ABCC5: variants seen among roughly 807,000 people sequenced by gnomAD.
The protein encoded by ABCC5 is ATP-binding cassette sub-family C member 5.
Under a neutral mutation model 160.9 loss-of-function variants are expected in ABCC5, and 61 were observed. That is an observed-to-expected ratio of 0.38 (90% confidence interval 0.31 to 0.47). ABCC5 has a LOEUF of 0.47. Among genes scored for constraint, ABCC5 ranks in the 20% least tolerant of loss-of-function variants. ABCC5 has a pLI of 0.99. For synonymous variants in ABCC5, 666 were observed against 700.6 expected (o/e 0.95, Z 0.78); for missense variants, 1,308 against 1,813.3 (o/e 0.72, Z 5.06).
intron 29 of ABCC5, among the ~76,000 whole-genome samples, 189 bp downstream of exon 29, chr3:183,925,366 C>G (rs1028054548): frequency 6.6e-6 from 1 of 152,202 alleles, no homozygotes. Context: ...AAAATGAGAA[C>G]CCCATCAGAG....
chr3:183,955,070 T>C (rs1344523084), intron 17 of ABCC5, among the ~76,000 whole-genome samples: 1 of 152,096 alleles, frequency 6.6e-6, no homozygotes, highest in Non-Finnish European at 1.5e-5. Flanking sequence ...CCAAGGTTCT[T>C]GTCATGTAGA....
At chr3:183,947,701 G>A (rs1714977141) in intron 22 of ABCC5, among the ~76,000 whole-genome samples, 191 bp from the exon 23 acceptor site, 1 of 151,950 alleles carries the variant, frequency 6.6e-6, no homozygotes, top group African/African-American at 2.4e-5. Context: ...ATGCATAGGA[G>A]GACATTAAGT....
Position 183,959,170 on chromosome 3 carries a change from C to G in ABCC5, c.2482+563G>C, listed in dbSNP as rs2108813931. On this transcript the variant is annotated intron_variant, in intron 17 of 29. Transcript: ENST00000334444. ...ATTGCAAATATCTTCCCTTAACTCT[C>G]AAGATTTGTTACTGTTGATAACATA... is the stretch of plus-strand genomic sequence containing the variant. Among the ~76,000 whole-genome samples the G allele has an allele frequency of 2.0e-5, 3 of 152,154 alleles. No homozygotes were observed. The Middle Eastern group carries it at 0.01, about 518-fold the overall frequency.
In ABCC5 at chr3:183,951,066, T is replaced by C. The variant is rs1030215033; in HGVS notation, c.2944+375A>G. Among the ~76,000 whole-genome samples the C allele has an allele frequency of 1.3e-5, 2 of 152,186 alleles. No homozygotes were observed. Among genetic ancestry groups the C allele is most frequent in the Non-Finnish European group, 2.9e-5 (2 of 68,022 alleles). The stretch of plus-strand genomic sequence containing the variant: ...TGCTACACAGGAAGCCCCCTGTCAA[T>C]GTCAGGGGCTTTACTGTTACTCTGA... On this transcript the variant is annotated intron_variant, in intron 20 of 29. Transcript: ENST00000334444. The surrounding 1 kb of genome is among the most constrained non-coding windows in gnomAD (Gnocchi z 4.7).
chr3:183,984,405 C>A (rs999001334), intron 5 of ABCC5: 18 of 993,852 alleles, frequency 1.8e-5, no homozygotes, highest in Non-Finnish European at 2.2e-5. Context: ...GCAAAGGTGA[C>A]TGCAGCTGTA....
chr3:184,003,505 C>CT (rs1720922005), intron 2 of ABCC5, among the ~76,000 whole-genome samples: 1 of 152,164 alleles, frequency 6.6e-6, no homozygotes, highest in Non-Finnish European at 1.5e-5. Context: ...GGGGAAGAAG[C>CT]AGAATACAAA....
Position 183,925,651 on chromosome 3 carries a change from G to A in ABCC5, c.4116C>T (p.Ile1372=), listed in dbSNP as rs192562060. 2,116 of 1,614,096 alleles carry A rather than the reference G, an allele frequency of 1.3e-3. 3 individuals carry two copies. Among genetic ancestry groups the A allele is most frequent in the Admixed American group, 3.2e-3 (195 of 60,018 alleles). The change falls in exon 29 of 30, where the codon ATC becomes ATT. Residue 1372 remains isoleucine (I), a synonymous_variant. Transcript: ENST00000334444. ...TETDLLIQET[I]REAFADCTML... ...TGGTACAGTCTGCAAATGCTTCTCG[G>A]ATGGTCTCTTGAATCAATAAGTCTG...
At chr3:183,959,252 C>A (rs1343836470) in intron 17 of ABCC5, among the ~76,000 whole-genome samples, 2 of 152,140 alleles carry the variant, frequency 1.3e-5, no homozygotes, top group East Asian at 1.9e-4. Context: ...GTAGGAAAAA[C>A]CCCTCTCTGT....
chr3:183,944,202 C>T (rs190795170), intron 24 of ABCC5, among the ~76,000 whole-genome samples: 17 of 152,048 alleles, frequency 1.1e-4, no homozygotes, highest in East Asian at 9.7e-4. Context: ...TGAGACCAGC[C>T]GGGACAACAT....
At chr3:183,985,317 G>A (rs1243827791) in intron 5 of ABCC5, 2 of 1,613,814 alleles carry the variant, frequency 1.2e-6, no homozygotes, top group East Asian at 2.2e-5. Flanking sequence ...AACTCTTGGC[G>A]AGAGATTCTG....
At chr3:183,936,278 C>T (rs1010747392) in intron 26 of ABCC5, among the ~76,000 whole-genome samples, 1 of 152,104 alleles carries the variant, frequency 6.6e-6, no homozygotes, top group Non-Finnish European at 1.5e-5. Context: ...CCTTCCCAGC[C>T]TCCAGAACTG....
At chr3:183,977,896 G>A (rs1230097484) in intron 9 of ABCC5, among the ~76,000 whole-genome samples, 1 of 152,088 alleles carries the variant, frequency 6.6e-6, no homozygotes, top group African/African-American at 2.4e-5. Context: ...GGGATTACAG[G>A]CATGCACCAC....
chr3:183,986,486 G>A lies in ABCC5; in HGVS notation c.591+1284C>T, dbSNP rs185983894. The A allele has an allele frequency of 2.0e-5, 3 of 152,236 alleles. No individual in the cohort carries two copies. The East Asian group carries it at 5.8e-4, about 29-fold the overall frequency. The allele number at this position is 152,236 out of a possible 1,614,324, so 9.4% of individuals were successfully genotyped here. On this transcript the variant is annotated intron_variant, in intron 5 of 29. Coordinates refer to ENST00000334444, the MANE Select transcript of ABCC5 (RefSeq NM_005688.4). ...TACGGATGTTCAGGGGAGGGACTGT[G>A]AAGCCACCAAGCTGAATACGGATAG...
chr3:184,012,014 AACACACACACACAC>A (rs3031485), intron 2 of ABCC5, among the ~76,000 whole-genome samples: 2,426 of 145,490 alleles, frequency 0.017, 46 homozygotes, highest in African/African-American at 0.058. Context: ...CATAGAACAC[AACACACACACACAC>A]ACACACACAC....
intron 29 of ABCC5, among the ~76,000 whole-genome samples, chr3:183,924,050 CTG>C (rs1553910997): frequency 7.4e-6 from 1 of 134,268 alleles, no homozygotes; most frequent in Non-Finnish European, 1.5e-5. Context: ...AGGTCTCACT[CTG>C]TCACCCAGGC....
chr3:184,001,986 A>T (rs561783082), intron 2 of ABCC5, among the ~76,000 whole-genome samples: 1 of 152,276 alleles, frequency 6.6e-6, no homozygotes, highest in South Asian at 2.1e-4. Context: ...ACGAGGAAGT[A>T]TGACTGCCAT....
intron 5 of ABCC5, chr3:183,986,821 T>G (rs1719259613): frequency 6.6e-6 from 1 of 152,168 alleles, no homozygotes; most frequent in East Asian, 1.9e-4. Flanking sequence ...TACTTAAAAC[T>G]TTTATATAAA....
At chr3:183,945,803 A>T (rs1322406587) in intron 24 of ABCC5, 47 bp downstream of exon 24, 2 of 1,534,986 alleles carry the variant, frequency 1.3e-6, no homozygotes, top group Non-Finnish European at 1.8e-6. Flanking sequence ...GGGTAAACCG[A>T]CTCCAAGAGG....
intron 26 of ABCC5, among the ~76,000 whole-genome samples, chr3:183,936,259 C>T (rs1435892043): frequency 1.3e-5 from 2 of 152,072 alleles, no homozygotes; most frequent in African/African-American, 4.8e-5. Flanking sequence ...AGCAGACACC[C>T]ATCCCCGGCC....
Sources: allele counts gnomAD v4.1 joint callset (sites outside exome capture counted in the v4.1 genomes callset), GRCh38; gene constraint gnomAD v4.1.1; non-coding constraint Gnocchi (gnomAD v3.1); transcripts MANE v1.5; gene names NCBI Gene and HGNC (gene_info 2026-07-23, HGNC 2026-07-21).